PHACTR2: variants seen among roughly 807,000 people sequenced by gnomAD.
PHACTR2 encodes the protein phosphatase and actin regulator 2, also known as chromosome 6 open reading frame 56.
Under a neutral mutation model 76.0 loss-of-function variants are expected in PHACTR2, and 30 were observed. The observed-to-expected ratio is 0.39, with a 90% confidence interval of 0.30 to 0.54. PHACTR2 has a LOEUF of 0.54. Ranked by LOEUF, PHACTR2 falls within the 20% of genes least tolerant of loss-of-function variation. The pLI is 0.61. For missense variants in PHACTR2, 696 were observed against 781.1 expected (o/e 0.89, Z 1.30); for synonymous variants, 292 against 292.5 (o/e 1.00, Z 0.02).
At position 143,679,448 on chromosome 6, in the gene PHACTR2, T is replaced by A. The variant is rs983734801; in HGVS notation, c.46+1239T>A. Among the ~76,000 whole-genome samples, 5 of 152,342 alleles carry A rather than the reference T, an allele frequency of 3.3e-5. No individual in the cohort carries two copies. The highest frequency in any genetic ancestry group is 1.2e-4 in the African/African-American group (5 of 41,588). ...TGCGGGGAGGGGTTGAGTAGGATTT[T>A]AAATTTAGTAAACTATTTTGTGCAA... is the stretch of plus-strand genomic sequence containing the variant. On this transcript the variant is annotated intron_variant, in intron 1 of 12. Transcript: ENST00000440869. This position sits in a 1 kb window ranked among gnomAD's most constrained non-coding sequence, Gnocchi z 4.6.
intron 1 of PHACTR2, among the ~76,000 whole-genome samples, chr6:143,692,460 T>C (rs1777668285): frequency 6.6e-6 from 1 of 152,220 alleles, no homozygotes; most frequent in Non-Finnish European, 1.5e-5. Flanking sequence ...CAGAATTGTA[T>C]ACATCTAATG....
At chr6:143,590,055 C>T (rs1404368605) in intron 1 of PHACTR2, among the ~76,000 whole-genome samples, 1 of 152,134 alleles carries the variant, frequency 6.6e-6, no homozygotes, top group Non-Finnish European at 1.5e-5. Flanking sequence ...AATTAAAACT[C>T]ATGGTAGCAG....
At position 143,571,129 on chromosome 6, in the gene PHACTR2, A is replaced by G. The variant is rs1775441767; in HGVS notation, c.217+33922A>G. 6.6e-6 allele frequency among the ~76,000 whole-genome samples: 1 copy of G among 152,222 alleles called. No homozygotes were observed. The highest frequency in any genetic ancestry group is 1.5e-5 in the Non-Finnish European group (1 of 68,038). On this transcript the variant is annotated intron_variant, in intron 1 of 11. Coordinates refer to the PHACTR2 transcript ENST00000367584. This position sits in a 1 kb window ranked among gnomAD's most constrained non-coding sequence, Gnocchi z 4.6. ...TACAACGATGGAAATCAAGAAGGGA[A>G]TGTAGGTAAAGAGCAGTACAGTACA...
rs1776563190 is a variant in PHACTR2, at chr6:143,827,194, A to ATATATATATATG, written c.*3510_*3511insATATATGTATAT. 3 of 121,778 alleles carry ATATATATATATG rather than the reference A, an allele frequency of 2.5e-5. No homozygotes were observed. Among genetic ancestry groups the ATATATATATATG allele is most frequent in the African/African-American group, 6.0e-5 (2 of 33,596 alleles). The allele number at this position is 121,778 out of a possible 1,614,324, so 7.5% of individuals were successfully genotyped here. On this transcript the variant is annotated 3_prime_UTR_variant, in exon 13 of 13. Transcript: ENST00000440869. ...TATATATATATATATATATATATAT[A>ATATATATATATG]TATATGTATATTATATATACAGTAG...
At chr6:143,642,986 C>T (rs1423227089) in intron 1 of PHACTR2, among the ~76,000 whole-genome samples, 2 of 152,126 alleles carry the variant, frequency 1.3e-5, no homozygotes, top group South Asian at 2.1e-4. Context: ...GGAAGTTGTT[C>T]ATGAGTACTA....
chr6:143,579,600 A>T (rs757800788), intron 1 of PHACTR2, among the ~76,000 whole-genome samples: 1 of 152,112 alleles, frequency 6.6e-6, no homozygotes, highest in African/African-American at 2.4e-5. Flanking sequence ...ACCATCTCAG[A>T]GAAGGCACTT....
At position 143,777,217 on chromosome 6, in the gene PHACTR2, A is replaced by G. The variant is rs1052470143; in HGVS notation, c.1590-111A>G. The G allele has an allele frequency of 1.1e-4, 65 of 598,058 alleles. No homozygotes were observed. In the Admixed American group the frequency reaches 1.4e-3, roughly 13 times the overall value. 37.0% of individuals were successfully genotyped at this position (598,058 alleles called of 1,614,324 possible). On this transcript the variant is annotated intron_variant, in intron 8 of 12. Transcript: ENST00000440869. This position sits in a 1 kb window ranked among gnomAD's most constrained non-coding sequence, Gnocchi z 4.6. Reference sequence around the variant, plus strand: ...AGACTTTTATTTTGCAGCTTTAAAAATGGATTTTTATTTCTCAAAACATGA... The same window carrying G: ...AGACTTTTATTTTGCAGCTTTAAAAGTGGATTTTTATTTCTCAAAACATGA...
Position 143,765,282 on chromosome 6 carries a change from A to G in PHACTR2, c.716A>G (p.Lys239Arg), listed in dbSNP as rs764692930. 1 of 1,612,624 alleles carries G rather than the reference A, an allele frequency of 6.2e-7. No individual in the cohort carries two copies. Among genetic ancestry groups the G allele is most frequent in the Non-Finnish European group, 8.5e-7 (1 of 1,179,504 alleles). ...GTAGCTGGCTCCTCTCATTCAAAAAAAACAACTGGCTCTAAAGCATCAGCT... is the reference window on the plus strand; with the variant it reads ...GTAGCTGGCTCCTCTCATTCAAAAAGAACAACTGGCTCTAAAGCATCAGCT... The part of the protein sequence containing the change: ...REAAGSSHSK[K>R]TTGSKASASP... The change falls in exon 6 of 13, where the codon AAA becomes AGA. Residue 239 changes from lysine (K) to arginine (R), a missense_variant. By Grantham distance (26) the Lys-to-Arg change is conservative. This residue lies in a region of PHACTR2 where 460 missense variants were observed against 450.9 expected (regional missense o/e 1.02). Coordinates refer to ENST00000440869, the MANE Select transcript of PHACTR2 (RefSeq NM_001100164.2). This position sits in a 1 kb window ranked among gnomAD's most constrained non-coding sequence, Gnocchi z 4.1.
chr6:143,553,381 GTTC>G lies in PHACTR2; in HGVS notation c.217+16175_217+16177del, dbSNP rs563433713. On this transcript the variant is annotated intron_variant, in intron 1 of 11. Coordinates refer to the PHACTR2 transcript ENST00000367584. The surrounding 1 kb of genome is among the most constrained non-coding windows in gnomAD (Gnocchi z 4.2). ...GGAGTATAGAGGGAGGTGAACAGAG[GTTC>G]AGTAAATTCACGGAAGTGAAAATAT... is the stretch of plus-strand genomic sequence containing the variant. Among the ~76,000 whole-genome samples the G allele has an allele frequency of 1.2e-4, 19 of 152,176 alleles. No individual in the cohort carries two copies. Among genetic ancestry groups the G allele is most frequent in the Non-Finnish European group, 2.6e-4 (18 of 68,026 alleles).
In PHACTR2 at chr6:143,537,629, C is replaced by G. The variant is rs1195953930; in HGVS notation, c.217+422C>G. 6.6e-6 allele frequency among the ~76,000 whole-genome samples: 1 copy of G among 152,176 alleles called. No individual in the cohort carries two copies. The highest frequency in any genetic ancestry group is 1.5e-5 in the Non-Finnish European group (1 of 68,022). On this transcript the variant is annotated intron_variant, in intron 1 of 11. Coordinates refer to the PHACTR2 transcript ENST00000367584. This position sits in a 1 kb window ranked among gnomAD's most constrained non-coding sequence, Gnocchi z 4.4. The stretch of plus-strand genomic sequence containing the variant: ...CTCACTTTGCGGGCTGGGACCAGGG[C>G]AGGTCTTGGGAGGCTTCCCAACTAA...
intron 1 of PHACTR2, among the ~76,000 whole-genome samples, chr6:143,704,076 GGT>G (rs1162818666): frequency 1.4e-5 from 1 of 72,896 alleles, no homozygotes. Context: ...GTCCATCATG[GGT>G]GTGTGTGTGT....
chr6:143,601,177 G>C (rs1280710994), intron 1 of PHACTR2, among the ~76,000 whole-genome samples: 2 of 152,214 alleles, frequency 1.3e-5, no homozygotes. Context: ...AATGAAAGCT[G>C]TGGTCTCTGG....
chr6:143,651,532 C>T (rs562904803), intron 1 of PHACTR2, among the ~76,000 whole-genome samples: 1 of 152,270 alleles, frequency 6.6e-6, no homozygotes, highest in South Asian at 2.1e-4. Flanking sequence ...GAGATAAAGT[C>T]CTTTGCAGAG....
In PHACTR2 at chr6:143,543,456, A is replaced by G. The variant is rs140627026; in HGVS notation, c.217+6249A>G. ...CCAATAAGCCAAAGACCACAGTGCA[A>G]TAAAGTATAAGCTATGATTAGTGCC... is the stretch of plus-strand genomic sequence containing the variant. On this transcript the variant is annotated intron_variant, in intron 1 of 11. Coordinates refer to the PHACTR2 transcript ENST00000367584. This position sits in a 1 kb window ranked among gnomAD's most constrained non-coding sequence, Gnocchi z 4.7. Among the ~76,000 whole-genome samples the G allele has an allele frequency of 2.0e-5, 3 of 152,362 alleles. No homozygotes were observed. The East Asian group carries it at 5.8e-4, about 29-fold the overall frequency.
rs1778978479 is a variant in PHACTR2, at chr6:143,743,016, G to T, written c.215-5969G>T. On this transcript the variant is annotated intron_variant, in intron 2 of 12. Coordinates refer to ENST00000440869, the MANE Select transcript of PHACTR2 (RefSeq NM_001100164.2). This position sits in a 1 kb window ranked among gnomAD's most constrained non-coding sequence, Gnocchi z 5.0. ...AGTCTCCAAAAGAACCAGGAAAGTA[G>T]TTGCTATCTCTCCATTTTGCAGATG... Among the ~76,000 whole-genome samples, 1 of 152,212 alleles carries T rather than the reference G, an allele frequency of 6.6e-6. No homozygotes were observed. Among genetic ancestry groups the T allele is most frequent in the Admixed American group, 6.5e-5 (1 of 15,284 alleles).
chr6:143,729,139 C>T (rs954183106), intron 2 of PHACTR2, among the ~76,000 whole-genome samples: 1 of 152,212 alleles, frequency 6.6e-6, no homozygotes, highest in South Asian at 2.1e-4. Context: ...TCCATATATC[C>T]TCTTTGATGA....
intron 1 of PHACTR2, among the ~76,000 whole-genome samples, chr6:143,635,586 C>T (rs74688053): frequency 0.032 from 4,842 of 152,268 alleles, 270 homozygotes; most frequent in African/African-American, 0.11. Context: ...TTAATATTAG[C>T]AGGCCTATAA....
At chr6:143,691,236 C>T (rs367707727) in intron 1 of PHACTR2, among the ~76,000 whole-genome samples, 6 of 151,626 alleles carry the variant, frequency 4.0e-5, no homozygotes, top group East Asian at 1.9e-4. Context: ...ATAAAGTAAA[C>T]AAAAATAGTA....
intron 1 of PHACTR2, among the ~76,000 whole-genome samples, chr6:143,538,109 C>A (rs939508050): frequency 3.3e-5 from 5 of 152,156 alleles, no homozygotes; most frequent in African/African-American, 1.2e-4. Flanking sequence ...CACACACACA[C>A]ACACAAACAC....
Sources: gnomAD v4.1 joint callset for allele counts (sites outside exome capture counted in the v4.1 genomes callset) on GRCh38, gnomAD v4.1.1 for gene constraint, gnomAD v4.1.1 regional missense constraint, Gnocchi (gnomAD v3.1) non-coding constraint, MANE v1.5 for transcripts, NCBI Gene and HGNC (gene_info 2026-07-23, HGNC 2026-07-21) for gene names.